COL14A1: variants seen among roughly 807,000 people sequenced by gnomAD.
COL14A1 encodes collagen alpha-1(XIV) chain.
COL14A1 carries 136 observed loss-of-function variants against 230.3 expected under a neutral mutation model. That is an observed-to-expected ratio of 0.59 (90% CI 0.51 to 0.68). The LOEUF (loss-of-function observed/expected upper bound fraction) is 0.68. Ranked by LOEUF, COL14A1 falls within the 30% of genes least tolerant of loss-of-function variation. The pLI is 0.00. For missense variants in COL14A1, 1,976 were observed against 2,215.8 expected, an observed-to-expected ratio of 0.89 and a Z score of 2.17; for synonymous variants, 792 against 784.1, an observed-to-expected ratio of 1.01 and a Z score of -0.17.
rs371144171 is a variant in COL14A1, at chr8:120,280,636, G to A, written c.3647-75G>A. ...TCTGGAAAGATTGTATTAGTTTCCT[G>A]TTCTCAGGACAGGGAAAGAGTATGT... On this transcript the variant is annotated intron_variant, in intron 29 of 47. Coordinates refer to ENST00000297848, the MANE Select transcript of COL14A1 (RefSeq NM_021110.4). 10 of 1,381,184 alleles carry A rather than the reference G, an allele frequency of 7.2e-6. No homozygotes were observed. The African/African-American group carries it at 1.0e-4, about 14-fold the overall frequency. 85.6% of individuals were successfully genotyped at this position (1,381,184 alleles called of 1,614,324 possible).
In COL14A1 at chr8:120,310,394, C is replaced by T. The variant is rs111600658; in HGVS notation, c.4455+332C>T. 2.9e-3 allele frequency among the ~76,000 whole-genome samples: 448 copies of T among 152,284 alleles called. 3 individuals carry two copies. The highest frequency in any genetic ancestry group is 0.01 in the Middle Eastern group (3 of 294). On this transcript the variant is annotated intron_variant, in intron 37 of 47. Transcript: ENST00000297848. ...AACAAAAACGTATCTTTAGAGGAAT[C>T]ATGCAGAACCACAATTTGGTATTAG... is the stretch of plus-strand genomic sequence containing the variant.
chr8:120,314,370 T>A (rs1444649842), intron 38 of COL14A1, among the ~76,000 whole-genome samples: 1 of 152,194 alleles, frequency 6.6e-6, no homozygotes, highest in East Asian at 1.9e-4. Context: ...TTATACAAAT[T>A]TAAGTTTTTT....
At chr8:120,156,618 G>A (rs1815489964) in intron 2 of COL14A1, among the ~76,000 whole-genome samples, 1 of 152,200 alleles carries the variant, frequency 6.6e-6, no homozygotes, top group African/African-American at 2.4e-5. Context: ...AGCAATGTAT[G>A]TTTCGAAGAT....
chr8:120,192,143 A>G (rs993851700), intron 5 of COL14A1, among the ~76,000 whole-genome samples: 4 of 152,100 alleles, frequency 2.6e-5, no homozygotes, highest in South Asian at 2.1e-4. Context: ...CTTAGTCTCA[A>G]TGGTCTTTAC....
chr8:120,234,540 T>C (rs1216381562), intron 19 of COL14A1, among the ~76,000 whole-genome samples: 1 of 152,128 alleles, frequency 6.6e-6, no homozygotes, highest in Non-Finnish European at 1.5e-5. Flanking sequence ...TGAATTTTAT[T>C]GAAGGCCTTT....
chr8:120,243,283 G>C (rs146158771), intron 19 of COL14A1, among the ~76,000 whole-genome samples: 52 of 152,298 alleles, frequency 3.4e-4, no homozygotes, highest in African/African-American at 1.2e-3. Flanking sequence ...GGTGATTCTA[G>C]ATTGAGGAAG....
chr8:120,359,133 T>C (rs1470192063), intron 45 of COL14A1, among the ~76,000 whole-genome samples: 1 of 152,078 alleles, frequency 6.6e-6, no homozygotes, highest in Non-Finnish European at 1.5e-5. Context: ...CAGGTATACA[T>C]GTGCCATGGT....
intron 1 of COL14A1, among the ~76,000 whole-genome samples, chr8:120,136,854 C>G (rs977619131): frequency 6.7e-6 from 1 of 148,638 alleles, no homozygotes; most frequent in Non-Finnish European, 1.5e-5. Flanking sequence ...AGTCCCAGCT[C>G]TTCGGGAGGC....
chr8:120,369,251 T>C (rs1402104949), intron 46 of COL14A1, 79 bp from the exon 47 acceptor site: 2 of 1,402,178 alleles, frequency 1.4e-6, no homozygotes, highest in Non-Finnish European at 9.4e-7. Context: ...TTCTAAGAGT[T>C]AGTTTACTTC....
At chr8:120,279,552 GA>G (rs34439316) in intron 28 of COL14A1, among the ~76,000 whole-genome samples, 65,633 of 136,478 alleles carry the variant, frequency 0.48, 14,868 homozygotes, top group African/African-American at 0.58. Context: ...TTCTACTTCT[GA>G]AAAAAAAAAA....
At chr8:120,221,560 G>GCACACA (rs142408225) in intron 14 of COL14A1, among the ~76,000 whole-genome samples, 26,259 of 149,298 alleles carry the variant, frequency 0.18, 2,662 homozygotes, top group Non-Finnish European at 0.24. Context: ...ACACACACAT[G>GCACACA]CACACACACA....
In COL14A1 at chr8:120,345,469, G is replaced by A; in HGVS notation, c.4983G>A (p.Arg1661=). 6.2e-7 allele frequency: 1 copy of A among 1,602,850 alleles called. No individual in the cohort carries two copies. Among genetic ancestry groups the A allele is most frequent in the Non-Finnish European group, 8.5e-7 (1 of 1,175,006 alleles). Residue 1661 remains arginine (R), a synonymous_variant, in exon 45 of 48, where the codon AGG becomes AGA. Transcript: ENST00000297848. ...AAGGGCCTCCTGGGGAGCCTGGGAGGCCAGGCTCACCTGGAGCCCCTGGTG... is the reference window on the plus strand; with the variant it reads ...AAGGGCCTCCTGGGGAGCCTGGGAGACCAGGCTCACCTGGAGCCCCTGGTG... ...TVQGPPGEPG[R]PGSPGAPGEQ...
chr8:120,188,588 A>G (rs1018457083), intron 5 of COL14A1, among the ~76,000 whole-genome samples: 2 of 152,180 alleles, frequency 1.3e-5, no homozygotes, highest in Non-Finnish European at 2.9e-5. Context: ...CCATATATTG[A>G]GTGCTTTTCT....
At chr8:120,305,631 A>G (rs1820834943) in intron 36 of COL14A1, among the ~76,000 whole-genome samples, 1 of 152,164 alleles carries the variant, frequency 6.6e-6, no homozygotes, top group African/African-American at 2.4e-5. Context: ...TGTTGGTTGT[A>G]ATAACTGACC....
At chr8:120,268,615 C>A (rs901363486) in intron 25 of COL14A1, among the ~76,000 whole-genome samples, 2 of 151,294 alleles carry the variant, frequency 1.3e-5, no homozygotes, top group African/African-American at 4.8e-5. Flanking sequence ...CTTTGTTTGT[C>A]CTGGGTATAT....
intron 45 of COL14A1, among the ~76,000 whole-genome samples, chr8:120,365,151 G>A (rs16893976): frequency 0.13 from 19,215 of 151,802 alleles, 1,397 homozygotes; most frequent in East Asian, 0.19. Context: ...TCTCCACCTC[G>A]TGCTTTCTTT....
At chr8:120,187,513 A>G (rs1024750861) in intron 5 of COL14A1, among the ~76,000 whole-genome samples, 2 of 152,244 alleles carry the variant, frequency 1.3e-5, no homozygotes, top group African/African-American at 4.8e-5. Context: ...TGCTTGGTAC[A>G]TAATAAACAC....
chr8:120,207,976 A>G (rs1007525346), intron 10 of COL14A1, among the ~76,000 whole-genome samples: 4 of 152,326 alleles, frequency 2.6e-5, no homozygotes, highest in African/African-American at 9.6e-5. Context: ...AAATAGGATA[A>G]TAATTAGCCT....
chr8:120,292,113 TTATAA>T (rs1334633683), intron 34 of COL14A1, among the ~76,000 whole-genome samples: 3 of 152,182 alleles, frequency 2.0e-5, no homozygotes, highest in Admixed American at 6.5e-5. Flanking sequence ...TATTTTATAA[TTATAA>T]TATATTTCAC....
Sources: gnomAD v4.1 joint callset for allele counts (sites outside exome capture counted in the v4.1 genomes callset) on GRCh38, gnomAD v4.1.1 for gene constraint, MANE v1.5 for transcripts, NCBI Gene and HGNC (gene_info 2026-07-23, HGNC 2026-07-21) for gene names.